PRLR: variants seen among roughly 807,000 people sequenced by gnomAD.
PRLR encodes prolactin receptor, also known as hPRL receptor.
In PRLR, 13 loss-of-function variants were observed where a neutral mutation model predicts 40.2. The observed-to-expected ratio is 0.32, with a 90% CI of 0.21 to 0.51. The LOEUF (loss-of-function observed/expected upper bound fraction) is 0.51, where lower values mean the gene tolerates loss of function less well. Among genes scored for constraint, PRLR ranks in the 20% least tolerant of loss-of-function variants. PRLR has a pLI of 0.97. For missense variants in PRLR, 656 were observed against 747.3 expected (o/e 0.88, Z 1.42); for synonymous variants, 269 against 278.7 (o/e 0.97, Z 0.35).
At chr5:35,149,406 A>G (rs532239294) in intron 1 of PRLR, among the ~76,000 whole-genome samples, 1 of 152,312 alleles carries the variant, frequency 6.6e-6, no homozygotes, top group African/African-American at 2.4e-5. Flanking sequence ...GATAATAATA[A>G]TATTGTTATT....
At chr5:35,214,778 A>T (rs1166490454) in intron 1 of PRLR, among the ~76,000 whole-genome samples, 3 of 152,236 alleles carry the variant, frequency 2.0e-5, no homozygotes, top group Non-Finnish European at 4.4e-5. Context: ...CAAGCTAATG[A>T]TGGAAAGAAT....
At chr5:35,070,032 CA>C (rs1455251855) in intron 7 of PRLR, 91 bp downstream of exon 7, 7 of 1,416,860 alleles carry the variant, frequency 4.9e-6, no homozygotes, top group Non-Finnish European at 5.7e-6. Flanking sequence ...GGCTAAGGCT[CA>C]AAATGGTTTC....
chr5:35,111,460 T>C (rs905429746), intron 2 of PRLR, among the ~76,000 whole-genome samples: 10 of 152,172 alleles, frequency 6.6e-5, no homozygotes, highest in African/African-American at 1.9e-4. Flanking sequence ...TTAAAAGCCG[T>C]AAGAATGTAG....
intron 2 of PRLR, among the ~76,000 whole-genome samples, chr5:35,094,966 T>C (rs1057435551): frequency 6.6e-6 from 1 of 151,900 alleles, no homozygotes; most frequent in Non-Finnish European, 1.5e-5. Flanking sequence ...TAGTGGGGAC[T>C]AGAGGCACGA....
At position 35,090,733 on chromosome 5, in the gene PRLR, A is replaced by C. The variant is rs536688037; in HGVS notation, c.-43-1070T>G. ...ACTGCTCCTTGTGGGACGTACTCAG[A>C]CATGGAGAAACGATAGCAACAGTAG... On this transcript the variant is annotated intron_variant, in intron 2 of 9. Coordinates refer to ENST00000618457, the MANE Select transcript of PRLR (RefSeq NM_000949.7). Among the ~76,000 whole-genome samples the C allele has an allele frequency of 2.5e-4, 37 of 149,438 alleles. No homozygotes were observed. In the South Asian group the frequency reaches 3.7e-3, roughly 15 times the overall value.
At chr5:35,095,438 A>G (rs73767512) in intron 2 of PRLR, among the ~76,000 whole-genome samples, 2,279 of 152,304 alleles carry the variant, frequency 0.015, 67 homozygotes, top group African/African-American at 0.053. Context: ...AGTATTTGAC[A>G]GGGGAATCTA....
At chr5:35,123,043 G>A (rs568311222) in intron 1 of PRLR, among the ~76,000 whole-genome samples, 2 of 152,288 alleles carry the variant, frequency 1.3e-5, no homozygotes, top group Admixed American at 6.5e-5. Flanking sequence ...ATGAGGAAGC[G>A]AAAGAATCCA....
intron 1 of PRLR, among the ~76,000 whole-genome samples, chr5:35,145,684 A>G (rs534100296): frequency 6.6e-6 from 1 of 152,328 alleles, no homozygotes; most frequent in East Asian, 1.9e-4. Context: ...TTACCTTTGC[A>G]TCTCTAAAAC....
chr5:35,183,957 A>G (rs1334016291), intron 1 of PRLR, among the ~76,000 whole-genome samples: 1 of 152,176 alleles, frequency 6.6e-6, no homozygotes, highest in East Asian at 1.9e-4. Context: ...GATAACTTGA[A>G]TTTATTTGTA....
At chr5:35,092,222 C>T (rs1026656838) in intron 2 of PRLR, among the ~76,000 whole-genome samples, 1 of 152,242 alleles carries the variant, frequency 6.6e-6, no homozygotes, top group Middle Eastern at 3.4e-3. Flanking sequence ...TGAGACACAT[C>T]CTGGAATCTA....
chr5:35,098,970 G>C (rs1390941230), intron 2 of PRLR, among the ~76,000 whole-genome samples: 1 of 152,198 alleles, frequency 6.6e-6, no homozygotes, highest in Admixed American at 6.5e-5. Flanking sequence ...GGGCACAACT[G>C]AGAACACTGA....
chr5:35,170,161 T>C (rs1054828155), intron 1 of PRLR, among the ~76,000 whole-genome samples: 7 of 152,184 alleles, frequency 4.6e-5, no homozygotes, highest in African/African-American at 1.4e-4. Context: ...CAAATTGAAA[T>C]GGTAAAATAG....
intron 1 of PRLR, among the ~76,000 whole-genome samples, chr5:35,135,702 T>C (rs2962102): frequency 0.21 from 32,337 of 151,984 alleles, 6,314 homozygotes; most frequent in African/African-American, 0.52. Context: ...AACCTAACCC[T>C]AGGGTTTTCT....
At chr5:35,218,696 G>A (rs552650926) in intron 1 of PRLR, among the ~76,000 whole-genome samples, 4 of 152,246 alleles carry the variant, frequency 2.6e-5, no homozygotes, top group South Asian at 2.1e-4. Context: ...GGCTTATTTC[G>A]CTTCTACTAA....
At chr5:35,186,565 A>G (rs562465210) in intron 1 of PRLR, among the ~76,000 whole-genome samples, 1 of 152,290 alleles carries the variant, frequency 6.6e-6, no homozygotes, top group South Asian at 2.1e-4. Flanking sequence ...GCTCTTCCCT[A>G]TGACCCTGAG....
chr5:35,184,663 A>G (rs1489270647), intron 1 of PRLR, among the ~76,000 whole-genome samples: 1 of 152,198 alleles, frequency 6.6e-6, no homozygotes, highest in Non-Finnish European at 1.5e-5. Context: ...CTGTAAGGTC[A>G]ACTCTGCCTG....
Position 35,173,880 on chromosome 5 carries a change from C to T in PRLR, c.-105-55758G>A, listed in dbSNP as rs538084241. On this transcript the variant is annotated intron_variant, in intron 1 of 9. Coordinates refer to ENST00000618457, the MANE Select transcript of PRLR (RefSeq NM_000949.7). ...TAAGTTCTAGGGTACGTGTGCACAA[C>T]GTGCATGTTTATTACATATGTATGA... Among the ~76,000 whole-genome samples the T allele has an allele frequency of 1.7e-4, 26 of 152,118 alleles. No individual in the cohort carries two copies. The South Asian group carries it at 3.1e-3, about 18-fold the overall frequency.
In PRLR at chr5:35,126,176, T is replaced by C. The variant is rs149203526; in HGVS notation, c.-105-8054A>G. 4.9e-3 allele frequency among the ~76,000 whole-genome samples: 740 copies of C among 152,332 alleles called. 5 individuals carry two copies. The highest frequency in any genetic ancestry group is 7.6e-3 in the Non-Finnish European group (519 of 68,030). ...AATGGGAACATCTTAAGCTATTAAG[T>C]TGAGAACTGAAATATTAGCATGGGC... On this transcript the variant is annotated intron_variant, in intron 1 of 9. Coordinates refer to ENST00000618457, the MANE Select transcript of PRLR (RefSeq NM_000949.7).
chr5:35,138,818 G>A (rs1250347752), intron 1 of PRLR, among the ~76,000 whole-genome samples: 4 of 151,998 alleles, frequency 2.6e-5, no homozygotes, highest in Non-Finnish European at 4.4e-5. Flanking sequence ...GCTATCAATT[G>A]TTTTATCTGC....
Sources: allele counts gnomAD v4.1 joint callset (sites outside exome capture counted in the v4.1 genomes callset), GRCh38; gene constraint gnomAD v4.1.1; transcripts MANE v1.5; gene names NCBI Gene and HGNC (gene_info 2026-07-23, HGNC 2026-07-21).